GLB1L3: variants seen among roughly 807,000 people sequenced by gnomAD.
GLB1L3 encodes the protein beta-galactosidase-1-like protein 3.
GLB1L3 carries 89 observed loss-of-function variants against 89.5 expected under a neutral mutation model. The ratio of observed to expected loss-of-function variants is 0.99; its 90% CI spans 0.84 to 1.19. The LOEUF is 1.19. Among genes scored for constraint, GLB1L3 ranks in the 50% most tolerant of loss-of-function variants. The pLI, the probability that GLB1L3 is intolerant of heterozygous loss-of-function variation, is 0.00. For synonymous variants in GLB1L3, 314 were observed against 312.3 expected (o/e 1.01, Z -0.06); for missense variants, 812 against 813.3 (o/e 1.00, Z 0.02).
intron 6 of GLB1L3, chr11:134,287,005 G>A (rs897148320): frequency 6.6e-6 from 1 of 150,572 alleles, no homozygotes; most frequent in African/African-American, 2.4e-5. Flanking sequence ...CTAAAAAATA[G>A]AAAAAATGAG....
chr11:134,310,200 T>TA, intron 11 of GLB1L3: 1 of 364,496 alleles, frequency 2.7e-6, no homozygotes, highest in Non-Finnish European at 5.1e-6. Context: ...ACACTAACAC[T>TA]AATGATAGCT....
chr11:134,310,531 A>G, intron 11 of GLB1L3, 40 bp from the exon 12 acceptor site: 1 of 1,528,728 alleles, frequency 6.5e-7, no homozygotes, highest in Non-Finnish European at 9.0e-7. Context: ...GGCCTCCTGC[A>G]GAGACTGCAT....
intron 9 of GLB1L3, among the ~76,000 whole-genome samples, chr11:134,301,517 T>C (rs868476240): frequency 6.6e-6 from 1 of 152,226 alleles, no homozygotes; most frequent in Admixed American, 6.5e-5. Context: ...GTTTTTACTC[T>C]GTCTTAACAT....
Position 134,292,143 on chromosome 11 carries a change from A to T in GLB1L3, c.741A>T (p.Arg247Ser). 6.2e-7 allele frequency: 1 copy of T among 1,613,530 alleles called. No homozygotes were observed. ...AATTTTCTCAACAGGCCCTGCTGAG[A>T]AGAGGGATTGTGGAGCTTCTCTTGA... ...YMPYLHKALL[R>S]RGIVELLLTS... Residue 247 changes from arginine to serine, a missense_variant, in exon 8 of 20, where the codon AGA (arginine) becomes AGT (serine). Physicochemically the swap from Arg to Ser is moderately radical, Grantham distance 110. Around this residue, in one of 3 missense-constraint regions of GLB1L3, gnomAD observed 618 missense variants for 604.0 expected, o/e 1.02. Coordinates refer to ENST00000431683, the MANE Select transcript of GLB1L3 (RefSeq NM_001080407.3).
chr11:134,308,275 C>T (rs1425195322), intron 10 of GLB1L3, among the ~76,000 whole-genome samples: 1 of 52,892 alleles, frequency 1.9e-5, no homozygotes, highest in South Asian at 8.3e-4. Flanking sequence ...CCACCACCAC[C>T]ACCACCAAAT....
intron 13 of GLB1L3, 42 bp downstream of exon 13, chr11:134,311,212 G>A: frequency 7.2e-7 from 1 of 1,381,386 alleles, no homozygotes; most frequent in Non-Finnish European, 1.0e-6. Context: ...GGCCATTGGA[G>A]GGATGGGGGA....
At chr11:134,307,782 C>T (rs1219267985) in intron 10 of GLB1L3, among the ~76,000 whole-genome samples, 1 of 152,180 alleles carries the variant, frequency 6.6e-6, no homozygotes, top group Non-Finnish European at 1.5e-5. Flanking sequence ...CATTTTAATT[C>T]TCAGTGACCT....
chr11:134,320,172 A>G (rs1361190973), downstream of GLB1L3, among the ~76,000 whole-genome samples: 2 of 152,188 alleles, frequency 1.3e-5, no homozygotes, highest in Non-Finnish European at 2.9e-5. Context: ...TCACCCTGTT[A>G]AATATAGTGC....
At chr11:134,280,390 C>T (rs888115180) in intron 3 of GLB1L3, among the ~76,000 whole-genome samples, 3 of 152,044 alleles carry the variant, frequency 2.0e-5, no homozygotes, top group Non-Finnish European at 4.4e-5. Flanking sequence ...TGTACAGATG[C>T]GCTTTTTAAG....
intron 6 of GLB1L3, among the ~76,000 whole-genome samples, chr11:134,285,948 GCC>G (rs1200943876): frequency 1.5e-5 from 2 of 132,908 alleles, no homozygotes; most frequent in Non-Finnish European, 3.1e-5. Flanking sequence ...TCACTCTGTT[GCC>G]CAGGCTGGAG....
chr11:134,276,670 G>A lies in GLB1L3; in HGVS notation c.-71G>A. 3.0e-6 allele frequency: 4 copies of A among 1,324,820 alleles called. No individual in the cohort carries two copies. The highest frequency in any genetic ancestry group is 3.6e-5 in the South Asian group (2 of 56,062). The allele number at this position is 1,324,820 out of a possible 1,614,324, so 82.1% of individuals were successfully genotyped here. A position where few individuals can be genotyped will look rare whatever the true frequency, so the allele number is the denominator to read the frequency against. ...GGAACCGGGGCTCGAGTCCCGGCCC[G>A]AGCGCGGCGTCGGGGCCAGCGGAGA... is the stretch of plus-strand genomic sequence containing the variant. On this transcript the variant is annotated 5_prime_UTR_variant, in exon 1 of 20. Coordinates refer to ENST00000431683, the MANE Select transcript of GLB1L3 (RefSeq NM_001080407.3).
At position 134,283,753 on chromosome 11, in the gene GLB1L3, C is replaced by A. The variant is rs758589618; in HGVS notation, c.544C>A (p.Pro182Thr). ...GGLPSWLLQDPRLLLRTTNKS... is the reference protein window; with the variant it reads ...GGLPSWLLQDTRLLLRTTNKS... ...TGCCCCCAGCTGGCTCCTGCAAGAC[C>A]CCCGGTTACTGTTGAGGACAACCAA... The change falls in exon 6 of 20, where the codon CCC becomes ACC. Residue 182 changes from proline (P) to threonine (T), a missense_variant. This residue lies in a region of GLB1L3 where 618 missense variants were observed against 604.0 expected (regional missense o/e 1.02). Transcript: ENST00000431683. 2 of 1,611,632 alleles carry A rather than the reference C, an allele frequency of 1.2e-6. No individual in the cohort carries two copies. Among genetic ancestry groups the A allele is most frequent in the Non-Finnish European group, 1.7e-6 (2 of 1,178,744 alleles).
chr11:134,322,107 G>T (rs548536298), downstream of GLB1L3, among the ~76,000 whole-genome samples: 1 of 152,058 alleles, frequency 6.6e-6, no homozygotes, highest in Non-Finnish European at 1.5e-5. Context: ...TGCAATGATC[G>T]AAAGTCCAAG....
At chr11:134,309,062 T>G (rs1233907007) in intron 10 of GLB1L3, among the ~76,000 whole-genome samples, 1 of 152,128 alleles carries the variant, frequency 6.6e-6, no homozygotes, top group African/African-American at 2.4e-5. Flanking sequence ...CCCAGAAACA[T>G]TTCACTGGAA....
In GLB1L3 at chr11:134,295,256, G is replaced by A. The variant is rs185938950; in HGVS notation, c.876+2047G>A. ...TCTGGACCTGAAGTTTTCCTTTTTA[G>A]AAGAATTTTAACTTGCAGTTCAATT... On this transcript the variant is annotated intron_variant, in intron 9 of 19. Coordinates refer to ENST00000431683, the MANE Select transcript of GLB1L3 (RefSeq NM_001080407.3). 4.3e-3 allele frequency among the ~76,000 whole-genome samples: 651 copies of A among 152,248 alleles called. 2 individuals are homozygous for A. The highest frequency in any genetic ancestry group is 0.031 in the Middle Eastern group (9 of 294).
At chr11:134,289,916 G>C (rs1022620794) in intron 7 of GLB1L3, among the ~76,000 whole-genome samples, 1 of 152,218 alleles carries the variant, frequency 6.6e-6, no homozygotes, top group African/African-American at 2.4e-5. Flanking sequence ...AGGGCTGCAG[G>C]GTTGGCCTGA....
chr11:134,322,470 T>G (rs1943179572), downstream of GLB1L3, among the ~76,000 whole-genome samples: 1 of 152,184 alleles, frequency 6.6e-6, no homozygotes. Context: ...TCAGTAGTTT[T>G]TAGTAGGATA....
intron 7 of GLB1L3, among the ~76,000 whole-genome samples, chr11:134,290,189 G>C (rs535930442): frequency 2.7e-5 from 4 of 148,500 alleles, no homozygotes; most frequent in African/African-American, 9.7e-5. Flanking sequence ...TTATTTAATC[G>C]GTTGTATTCA....
chr11:134,275,892 C>T (rs1297120504), upstream of GLB1L3: 1 of 152,334 alleles, frequency 6.6e-6, no homozygotes, highest in African/African-American at 2.4e-5. Context: ...AGCGTTACCA[C>T]CACGAGCGCC....
Sources: allele counts gnomAD v4.1 joint callset (sites outside exome capture counted in the v4.1 genomes callset), GRCh38; gene constraint gnomAD v4.1.1; regional missense constraint gnomAD v4.1.1; transcripts MANE v1.5; gene names NCBI Gene and HGNC (gene_info 2026-07-23, HGNC 2026-07-21).